DGCR2: variants seen among roughly 807,000 people sequenced by gnomAD.
The protein encoded by DGCR2 is DiGeorge syndrome critical region gene 2.
Under a neutral mutation model 51.6 loss-of-function variants are expected in DGCR2, and 24 were observed. The ratio of observed to expected loss-of-function variants is 0.47; its 90% CI spans 0.34 to 0.65. DGCR2 has a LOEUF of 0.65. DGCR2 is among the 30% of genes least tolerant of loss of function. DGCR2 has a pLI of 0.01. For synonymous variants in DGCR2, 340 were observed against 315.4 expected (o/e 1.08, Z -0.82); for missense variants, 765 against 772.1 (o/e 0.99, Z 0.11).
chr22:19,055,905 TC>T (rs1325333624), intron 6 of DGCR2: 2 of 155,270 alleles, frequency 1.3e-5, no homozygotes, highest in Non-Finnish European at 2.9e-5. Context: ...TGCAGCTCCT[TC>T]CACTACAACG....
intron 2 of DGCR2, among the ~76,000 whole-genome samples, chr22:19,075,965 C>CTTTTATT: frequency 6.6e-6 from 1 of 151,884 alleles, no homozygotes; most frequent in Middle Eastern, 3.4e-3. Flanking sequence ...GATAATTCTA[C>CTTTTATT]TTTTATTTTT....
At chr22:19,090,144 A>C (rs1002198397) in intron 1 of DGCR2, among the ~76,000 whole-genome samples, 1 of 152,244 alleles carries the variant, frequency 6.6e-6, no homozygotes, top group African/African-American at 2.4e-5. Context: ...AAGATATAAT[A>C]ATAGAAACAC....
At chr22:19,068,733 G>A (rs2082779717) in intron 2 of DGCR2, among the ~76,000 whole-genome samples, 2 of 152,258 alleles carry the variant, frequency 1.3e-5, no homozygotes, top group South Asian at 4.1e-4. Context: ...CCCCATGGCT[G>A]TGAAGGCCTC....
At chr22:19,108,328 T>C (rs1209160195) in intron 1 of DGCR2, among the ~76,000 whole-genome samples, 1 of 152,104 alleles carries the variant, frequency 6.6e-6, no homozygotes, top group Non-Finnish European at 1.5e-5. Context: ...CCCAACACTT[T>C]GGAAAGCTGA....
chr22:19,070,048 C>A (rs984359105), intron 2 of DGCR2, among the ~76,000 whole-genome samples: 2 of 152,146 alleles, frequency 1.3e-5, no homozygotes, highest in African/African-American at 4.8e-5. Flanking sequence ...GTAACTGGCA[C>A]CACGACAGGC....
chr22:19,089,556 G>A, intron 1 of DGCR2, 66 bp from the exon 2 acceptor site: 1 of 1,410,882 alleles, frequency 7.1e-7, no homozygotes, highest in Non-Finnish European at 9.4e-7. Context: ...ATAGCCCATG[G>A]GCTGGATCAA....
At chr22:19,083,854 G>A (rs963073029) in intron 2 of DGCR2, among the ~76,000 whole-genome samples, 7 of 149,912 alleles carry the variant, frequency 4.7e-5, no homozygotes, top group African/African-American at 7.4e-5. Flanking sequence ...GAGTGCCTGC[G>A]ATTGCAGGCG....
chr22:19,056,091 T>A (rs545346975), intron 6 of DGCR2: 2 of 152,146 alleles, frequency 1.3e-5, no homozygotes, highest in Non-Finnish European at 2.9e-5. Context: ...GAGGGCGAGG[T>A]GGGCGGATCA....
At chr22:19,066,895 T>C (rs1222176287) in intron 3 of DGCR2, among the ~76,000 whole-genome samples, 2 of 152,190 alleles carry the variant, frequency 1.3e-5, no homozygotes, top group African/African-American at 2.4e-5. Context: ...GAACTGCCCC[T>C]TCCCTACAGG....
chr22:19,058,468 C>T (rs1396642801), intron 5 of DGCR2, among the ~76,000 whole-genome samples: 4 of 152,162 alleles, frequency 2.6e-5, no homozygotes, highest in Non-Finnish European at 4.4e-5. Flanking sequence ...TCACGCTGTG[C>T]ACCACCCCAC....
intron 6 of DGCR2, among the ~76,000 whole-genome samples, chr22:19,055,409 A>C (rs542002013): frequency 6.6e-6 from 1 of 152,204 alleles, no homozygotes; most frequent in Non-Finnish European, 1.5e-5. Flanking sequence ...CATTCTGTAG[A>C]ATATTGATAC....
Position 19,048,656 on chromosome 22 carries a change from T to C in DGCR2, c.803-13A>G, listed in dbSNP as rs1601510944. On this transcript the variant is annotated splice_polypyrimidine_tract_variant and intron_variant, in intron 6 of 9. Transcript: ENST00000263196. ...ACACATGTTTGACCTGCAATGAGCA[T>C]ACATTGTGTACAGATGTATACAATG... is the stretch of plus-strand genomic sequence containing the variant. The C allele has an allele frequency of 3.1e-6, 5 of 1,614,038 alleles. No individual in the cohort carries two copies. The highest frequency in any genetic ancestry group is 2.7e-5 in the African/African-American group (2 of 75,066).
intron 4 of DGCR2, among the ~76,000 whole-genome samples, 193 bp from the exon 5 acceptor site, chr22:19,063,471 T>C (rs2082710664): frequency 6.6e-6 from 1 of 151,154 alleles, no homozygotes; most frequent in Admixed American, 6.6e-5. Flanking sequence ...CCCGAGTAGG[T>C]GGGATTACAG....
At chr22:19,062,779 A>ATTCATTCTCATTCATTCT in intron 5 of DGCR2, among the ~76,000 whole-genome samples, 1 of 127,354 alleles carries the variant, frequency 7.9e-6, no homozygotes, top group Non-Finnish European at 1.8e-5. Flanking sequence ...ATGCATGCTC[A>ATTCATTCTCATTCATTCT]CTCTCTCTCT....
chr22:19,066,436 A>AC (rs1217851667), intron 3 of DGCR2, among the ~76,000 whole-genome samples: 2 of 152,052 alleles, frequency 1.3e-5, no homozygotes, highest in Non-Finnish European at 2.9e-5. Context: ...AAACAAACAA[A>AC]AAAAAACAAA....
intron 2 of DGCR2, among the ~76,000 whole-genome samples, chr22:19,070,977 C>A (rs928099622): frequency 6.6e-5 from 10 of 152,240 alleles, no homozygotes; most frequent in African/African-American, 2.4e-4. Flanking sequence ...TAGCACAGGA[C>A]AGAACCCTTA....
rs569582931 is a variant in DGCR2, at chr22:19,095,218, C to G, written c.80-5728G>C. ...TCTCTACTAAAAATACAAAATTAGC[C>G]AGGCGTGGTGGTGCATGCCTATAAT... On this transcript the variant is annotated intron_variant, in intron 1 of 9. Coordinates refer to ENST00000263196, the MANE Select transcript of DGCR2 (RefSeq NM_005137.3). Among the ~76,000 whole-genome samples the G allele has an allele frequency of 2.6e-5, 4 of 152,184 alleles. No individual in the cohort carries two copies. The South Asian group carries it at 8.3e-4, about 32-fold the overall frequency.
intron 5 of DGCR2, chr22:19,061,806 G>T (rs977582122): frequency 1.3e-5 from 2 of 152,198 alleles, no homozygotes; most frequent in Non-Finnish European, 2.9e-5. Flanking sequence ...ATGCTGTGGG[G>T]CCCCTTGCAC....
chr22:19,101,062 G>T (rs1363727933), intron 1 of DGCR2, among the ~76,000 whole-genome samples: 1 of 152,124 alleles, frequency 6.6e-6, no homozygotes, highest in Non-Finnish European at 1.5e-5. Context: ...AGTGAGCCGA[G>T]ACTGCGCCAT....
Sources: allele counts gnomAD v4.1 joint callset (sites outside exome capture counted in the v4.1 genomes callset), GRCh38; gene constraint gnomAD v4.1.1; transcripts MANE v1.5; gene names NCBI Gene and HGNC (gene_info 2026-07-23, HGNC 2026-07-21).